SNX27: variants seen among roughly 807,000 people sequenced by gnomAD.
SNX27 encodes sorting nexin-27.
SNX27 carries 22 observed loss-of-function variants against 71.6 expected under a neutral mutation model. That is an observed-to-expected ratio of 0.31 (90% CI 0.22 to 0.44). The LOEUF is 0.44. Ranked by LOEUF, SNX27 falls within the 20% of genes least tolerant of loss-of-function variation. The pLI is 1.00. For synonymous variants in SNX27, 269 were observed against 277.2 expected (o/e 0.97, Z 0.29); for missense variants, 531 against 698.6 (o/e 0.76, Z 2.70).
intron 7 of SNX27, among the ~76,000 whole-genome samples, chr1:151,674,496 G>C (rs1368767232): frequency 6.6e-6 from 1 of 151,942 alleles, no homozygotes; most frequent in Non-Finnish European, 1.5e-5. Context: ...CTTTTTCCAT[G>C]TTTTCAAACC....
chr1:151,688,647 A>C (rs1357366800), intron 8 of SNX27, among the ~76,000 whole-genome samples: 1 of 151,500 alleles, frequency 6.6e-6, no homozygotes, highest in Non-Finnish European at 1.5e-5. Flanking sequence ...AAAAAAAAAA[A>C]ATTCACCTGT....
chr1:151,652,220 GAGA>G (rs1669437154), intron 2 of SNX27, among the ~76,000 whole-genome samples: 1 of 111,698 alleles, frequency 9.0e-6, no homozygotes, highest in Non-Finnish European at 1.9e-5. Context: ...GAGGGAGAGG[GAGA>G]GGGAGAGGGA....
At chr1:151,693,620 A>G (rs751277274) in intron 11 of SNX27, 137 bp downstream of exon 11, 8 of 1,613,620 alleles carry the variant, frequency 5.0e-6, no homozygotes, top group Admixed American at 1.7e-5. Flanking sequence ...TGATTATCTC[A>G]TGTGAGCCAG....
chr1:151,679,808 G>A (rs1296620080), intron 7 of SNX27: 1 of 152,128 alleles, frequency 6.6e-6, no homozygotes, highest in East Asian at 1.9e-4. Context: ...AAGAGGAAGT[G>A]GGAGTGTTTG....
intron 7 of SNX27, among the ~76,000 whole-genome samples, chr1:151,672,319 A>G (rs1039441645): frequency 2.6e-5 from 4 of 152,104 alleles, no homozygotes; most frequent in South Asian, 2.1e-4. Flanking sequence ...GTGTTTGTGA[A>G]CCATCCTTAC....
chr1:151,665,118 T>A (rs1670135099), intron 5 of SNX27, among the ~76,000 whole-genome samples: 1 of 152,172 alleles, frequency 6.6e-6, no homozygotes, highest in Non-Finnish European at 1.5e-5. Context: ...AACAAAACAA[T>A]GGCATGAAAA....
chr1:151,618,023 T>C (rs552649208), intron 1 of SNX27, among the ~76,000 whole-genome samples: 1 of 151,558 alleles, frequency 6.6e-6, no homozygotes, highest in African/African-American at 2.4e-5. Flanking sequence ...ACCTGGCTAA[T>C]TTTTTTGTAC....
intron 1 of SNX27, among the ~76,000 whole-genome samples, chr1:151,632,154 C>T (rs11204862): frequency 0.023 from 3,511 of 150,692 alleles, 129 homozygotes; most frequent in African/African-American, 0.079. Context: ...TAATTTGTTG[C>T]GGAGGTTGTT....
chr1:151,671,091 T>A (rs1670435346), intron 7 of SNX27, among the ~76,000 whole-genome samples: 1 of 152,172 alleles, frequency 6.6e-6, no homozygotes, highest in African/African-American at 2.4e-5. Context: ...ATGAGTTAAC[T>A]GTAGGTATGT....
intron 1 of SNX27, among the ~76,000 whole-genome samples, chr1:151,637,153 G>GTTTTTTTTTTTTTTTTTTTTTTT (rs200938062): frequency 1.6e-5 from 1 of 64,080 alleles, no homozygotes; most frequent in Non-Finnish European, 3.3e-5. Flanking sequence ...AGTTGATCAC[G>GTTTTTTTTTTTTTTTTTTTTTTT]TTTTTTTTGT....
chr1:151,668,381 A>C, intron 6 of SNX27, 91 bp from the exon 7 acceptor site: 2 of 1,194,246 alleles, frequency 1.7e-6, no homozygotes, highest in Non-Finnish European at 2.3e-6. Flanking sequence ...TAATGATAAC[A>C]TACCATTCTT....
intron 2 of SNX27, among the ~76,000 whole-genome samples, chr1:151,652,487 C>T (rs907825116): frequency 3.3e-5 from 5 of 149,810 alleles, no homozygotes; most frequent in Non-Finnish European, 7.4e-5. Context: ...CGGCTCACTG[C>T]AACCTCCGCC....
rs1447706098 is a variant in SNX27, at chr1:151,697,478, AATTT to A, written c.*3067_*3070del. Reference sequence around the variant, plus strand: ...CTATAGGTAGTTGGCCTGTTGGCAGAATTTATTTAGGAACAGCCCTTTTGAAAGT... The same window carrying A: ...CTATAGGTAGTTGGCCTGTTGGCAGAATTTAGGAACAGCCCTTTTGAAAGT... On this transcript the variant is annotated 3_prime_UTR_variant, in exon 12 of 12. Transcript: ENST00000458013. The A allele has an allele frequency of 1.3e-5, 2 of 152,638 alleles. No homozygotes were observed. Among genetic ancestry groups the A allele is most frequent in the South Asian group, 2.1e-4 (1 of 4,832 alleles). 9.5% of individuals were successfully genotyped at this position (152,638 alleles called of 1,614,324 possible).
Position 151,638,865 on chromosome 1 carries a change from TCTTTTTCC to T in SNX27, c.312-13_312-6del. On this transcript the variant is annotated splice_polypyrimidine_tract_variant and intron_variant, in intron 1 of 11. Coordinates refer to ENST00000458013, the MANE Select transcript of SNX27 (RefSeq NM_001330723.2). ...TGGACCCTTCTGGTTTATGGGATTG[TCTTTTTCC>T]CTTTTTCCCCTTAGGAACCACGTGA... is the stretch of plus-strand genomic sequence containing the variant. The T allele has an allele frequency of 1.2e-6, 2 of 1,612,586 alleles. No homozygotes were observed. The highest frequency in any genetic ancestry group is 1.1e-5 in the South Asian group (1 of 91,046).
chr1:151,619,778 C>T (rs1007353162), intron 1 of SNX27, among the ~76,000 whole-genome samples: 2 of 152,116 alleles, frequency 1.3e-5, no homozygotes, highest in African/African-American at 4.8e-5. Context: ...TTACTTCATA[C>T]TCAGTTTGGT....
At chr1:151,690,275 T>C (rs1175567295) in intron 8 of SNX27, among the ~76,000 whole-genome samples, 1 of 152,218 alleles carries the variant, frequency 6.6e-6, no homozygotes, top group Non-Finnish European at 1.5e-5. Flanking sequence ...CTCACATGCT[T>C]TTTTCCCCTC....
At chr1:151,658,536 A>G in intron 3 of SNX27, 109 bp downstream of exon 3, 1 of 1,121,550 alleles carries the variant, frequency 8.9e-7, no homozygotes, top group South Asian at 1.6e-5. Context: ...AATGTAAGTC[A>G]GGTTTCTGAC....
chr1:151,665,403 G>T (rs1670146736), intron 5 of SNX27, among the ~76,000 whole-genome samples: 1 of 152,090 alleles, frequency 6.6e-6, no homozygotes, highest in Non-Finnish European at 1.5e-5. Flanking sequence ...ATGAGACATG[G>T]ATCATCTAAA....
At chr1:151,693,134 T>C in intron 10 of SNX27, 95 bp downstream of exon 10, 1 of 1,511,124 alleles carries the variant, frequency 6.6e-7, no homozygotes, top group Admixed American at 2.0e-5. Flanking sequence ...ATAGAGCTAG[T>C]AGTTGTCTTG....
Sources: gnomAD v4.1 joint callset for allele counts (sites outside exome capture counted in the v4.1 genomes callset) on GRCh38, gnomAD v4.1.1 for gene constraint, MANE v1.5 for transcripts, NCBI Gene and HGNC (gene_info 2026-07-23, HGNC 2026-07-21) for gene names.